The following NRXN1 variants were observed in gnomAD, a reference collection of about 807,000 sequenced individuals.
NRXN1 encodes the protein neurexin 1.
Under a neutral mutation model 150.9 loss-of-function variants are expected in NRXN1, and 39 were observed. The observed-to-expected ratio is 0.26, with a 90% CI of 0.20 to 0.34. The LOEUF is 0.34. NRXN1 is among the 10% of genes least tolerant of loss of function. The probability of loss-of-function intolerance (pLI) is 1.00; values close to 1 mark genes in which losing one functional copy is unlikely to be tolerated. For synonymous variants in NRXN1, 924 were observed against 757.0 expected (o/e 1.22, Z -3.62); for missense variants, 1,815 against 1,949.9 (o/e 0.93, Z 1.30).
intron 2 of NRXN1, among the ~76,000 whole-genome samples, chr2:50,955,213 T>A (rs1692092212): frequency 6.6e-6 from 1 of 152,150 alleles, no homozygotes; most frequent in Admixed American, 6.5e-5. Context: ...TGCAAATAAT[T>A]ATGTACCAGA....
At chr2:50,648,183 A>G (rs1238222357) in intron 5 of NRXN1, among the ~76,000 whole-genome samples, 3 of 152,008 alleles carry the variant, frequency 2.0e-5, no homozygotes, top group African/African-American at 7.2e-5. Context: ...CAGAGACTCA[A>G]TCGCCAACAA....
In NRXN1 at chr2:50,346,564, A is replaced by T; in HGVS notation, c.3365-109594T>A. 2 of 995,126 alleles carry T rather than the reference A, an allele frequency of 2.0e-6. No individual in the cohort carries two copies. Among genetic ancestry groups the T allele is most frequent in the East Asian group, 5.2e-5 (2 of 38,494 alleles). The allele number at this position is 995,126 out of a possible 1,614,324, so 61.6% of individuals were successfully genotyped here. The stretch of plus-strand genomic sequence containing the variant: ...AAGAGATAAGTGGCTCGCACCAAGC[A>T]CACCCAAATGCACCTCCCTTTTGTC... On this transcript the variant is annotated intron_variant, in intron 17 of 22. Coordinates refer to ENST00000401669, the MANE Select transcript of NRXN1 (RefSeq NM_001330078.2). This position sits in a 1 kb window ranked among gnomAD's most constrained non-coding sequence, Gnocchi z 5.0.
rs114451284 is a variant in NRXN1, at chr2:50,252,848, G to A, written c.3365-15878C>T. Among the ~76,000 whole-genome samples, 737 of 152,218 alleles carry A rather than the reference G, an allele frequency of 4.8e-3. 7 individuals are homozygous for A. The highest frequency in any genetic ancestry group is 0.017 in the African/African-American group (696 of 41,546). Reference sequence around the variant, plus strand: ...ATAGTTTAAAGTCAGGTAACGTGATGCCTCCAGGTTTATTCTCTTCATTTA... The same window carrying A: ...ATAGTTTAAAGTCAGGTAACGTGATACCTCCAGGTTTATTCTCTTCATTTA... On this transcript the variant is annotated intron_variant, in intron 17 of 22. Coordinates refer to ENST00000401669, the MANE Select transcript of NRXN1 (RefSeq NM_001330078.2).
At chr2:50,157,811 A>C (rs1396554973) in intron 18 of NRXN1, among the ~76,000 whole-genome samples, 1 of 151,906 alleles carries the variant, frequency 6.6e-6, no homozygotes, top group Non-Finnish European at 1.5e-5. Context: ...CAAGGAAAAC[A>C]CTCTATTGTC....
intron 17 of NRXN1, among the ~76,000 whole-genome samples, chr2:50,252,021 G>C (rs778740277): frequency 2.0e-5 from 3 of 151,958 alleles, no homozygotes; most frequent in Non-Finnish European, 2.9e-5. Flanking sequence ...TTGCTGTGCA[G>C]AAGCTCTTTA....
chr2:50,390,315 A>G (rs1316653322), intron 17 of NRXN1, among the ~76,000 whole-genome samples: 3 of 152,088 alleles, frequency 2.0e-5, no homozygotes, highest in East Asian at 3.9e-4. Flanking sequence ...TTTTAATTCC[A>G]TGAATCAAAA....
intron 5 of NRXN1, among the ~76,000 whole-genome samples, chr2:50,763,726 T>C (rs1229774115): frequency 6.6e-6 from 1 of 151,886 alleles, no homozygotes; most frequent in Non-Finnish European, 1.5e-5. Context: ...GAAGGTGATA[T>C]TTCACCTGAT....
intron 5 of NRXN1, among the ~76,000 whole-genome samples, chr2:50,875,298 A>G (rs1434954319): frequency 6.6e-6 from 1 of 151,800 alleles, no homozygotes; most frequent in African/African-American, 2.4e-5. Context: ...ACCATGTTGT[A>G]TATCTTAAAT....
At chr2:50,111,503 GT>G (rs1558901580) in intron 18 of NRXN1, among the ~76,000 whole-genome samples, 2 of 152,014 alleles carry the variant, frequency 1.3e-5, no homozygotes, top group Non-Finnish European at 2.9e-5. Flanking sequence ...GCAGGGCCTG[GT>G]GGTATGCACC....
At chr2:50,712,706 A>C (rs1408830554) in intron 5 of NRXN1, among the ~76,000 whole-genome samples, 1 of 152,132 alleles carries the variant, frequency 6.6e-6, no homozygotes, top group Non-Finnish European at 1.5e-5. Context: ...TAACTCTCAT[A>C]TGCAGAATTT....
At chr2:50,366,525 G>A in intron 17 of NRXN1, among the ~76,000 whole-genome samples, 1 of 151,918 alleles carries the variant, frequency 6.6e-6, no homozygotes, top group East Asian at 1.9e-4. Context: ...AGGGGGAAGT[G>A]CACAGAGTAG....
At chr2:50,113,132 G>A (rs1702594670) in intron 18 of NRXN1, among the ~76,000 whole-genome samples, 1 of 152,052 alleles carries the variant, frequency 6.6e-6, no homozygotes, top group South Asian at 2.1e-4. Context: ...TGGCATTTTT[G>A]CAACACATCC....
At chr2:50,889,654 A>C (rs1186520445) in intron 5 of NRXN1, among the ~76,000 whole-genome samples, 1 of 151,696 alleles carries the variant, frequency 6.6e-6, no homozygotes, top group Non-Finnish European at 1.5e-5. Flanking sequence ...GTAGAGCTAA[A>C]ATCCTTCTTA....
chr2:50,618,449 T>C (rs1017431151), intron 8 of NRXN1, among the ~76,000 whole-genome samples: 2 of 152,160 alleles, frequency 1.3e-5, no homozygotes, highest in Admixed American at 6.5e-5. Flanking sequence ...TATTCATTTG[T>C]AAACATTGTT....
intron 17 of NRXN1, among the ~76,000 whole-genome samples, chr2:50,444,301 A>G (rs1444436859): frequency 1.3e-5 from 2 of 152,218 alleles, no homozygotes; most frequent in Non-Finnish European, 2.9e-5. Context: ...AGTGTGGGAC[A>G]GAGCTGCCTG....
intron 17 of NRXN1, among the ~76,000 whole-genome samples, chr2:50,358,324 C>G (rs1220919878): frequency 6.6e-6 from 1 of 152,220 alleles, no homozygotes; most frequent in African/African-American, 2.4e-5. Context: ...AAGCTAAGAT[C>G]CACTGGCTTG....
chr2:50,447,697 T>G lies in NRXN1; in HGVS notation c.3364+17745A>C, dbSNP rs990568648. 1.3e-4 allele frequency among the ~76,000 whole-genome samples: 17 copies of G among 131,372 alleles called. 1 individual carries two copies. Among genetic ancestry groups the G allele is most frequent in the Middle Eastern group, 3.8e-3 (1 of 264 alleles). 86.2% of individuals were successfully genotyped at this position (131,372 alleles called of 152,430 possible). On this transcript the variant is annotated intron_variant, in intron 17 of 22. Coordinates refer to ENST00000401669, the MANE Select transcript of NRXN1 (RefSeq NM_001330078.2). ...ATTCACCTGTGTGAGTGCTGGGAGA[T>G]TCCTAGATTTTTAAAAATCACATAG...
intron 17 of NRXN1, among the ~76,000 whole-genome samples, chr2:50,339,623 T>C (rs2077420276): frequency 6.6e-6 from 1 of 152,192 alleles, no homozygotes; most frequent in Admixed American, 6.5e-5. Context: ...AGGAAGTCTG[T>C]ACAGGAATCA....
At chr2:50,680,656 G>C (rs1030671368) in intron 5 of NRXN1, among the ~76,000 whole-genome samples, 1 of 151,612 alleles carries the variant, frequency 6.6e-6, no homozygotes, top group African/African-American at 2.4e-5. Flanking sequence ...TTGTGAGATA[G>C]AAATTGTTTT....
Sources: gnomAD v4.1 joint callset for allele counts (sites outside exome capture counted in the v4.1 genomes callset) on GRCh38, gnomAD v4.1.1 for gene constraint, Gnocchi (gnomAD v3.1) non-coding constraint, MANE v1.5 for transcripts, NCBI Gene and HGNC (gene_info 2026-07-23, HGNC 2026-07-21) for gene names.